The following RBM20 variants were observed in gnomAD, a reference collection of about 807,000 sequenced individuals.
RBM20 encodes the protein RNA-binding protein 20.
A neutral mutation model predicts 110.1 loss-of-function variants in RBM20; 51 were observed. The ratio of observed to expected loss-of-function variants is 0.46; its 90% CI spans 0.37 to 0.59. The LOEUF (loss-of-function observed/expected upper bound fraction) is 0.59. RBM20 is among the 20% of genes least tolerant of loss of function. The pLI is 0.00. For synonymous variants in RBM20, 589 were observed against 618.2 expected, an observed-to-expected ratio of 0.95 and a Z score of 0.70; for missense variants, 1,512 against 1,574.9, an observed-to-expected ratio of 0.96 and a Z score of 0.68.
At chr10:110,773,751 C>T (rs933511917) in intron 1 of RBM20, among the ~76,000 whole-genome samples, 3 of 152,118 alleles carry the variant, frequency 2.0e-5, no homozygotes, top group Non-Finnish European at 2.9e-5. Context: ...AGGTTTTGAG[C>T]CGTTCTAATA....
At chr10:110,777,822 C>A (rs1287332491) in intron 1 of RBM20, among the ~76,000 whole-genome samples, 1 of 152,194 alleles carries the variant, frequency 6.6e-6, no homozygotes, top group African/African-American at 2.4e-5. Context: ...ACAAAACCAA[C>A]CTTGTCTTAC....
chr10:110,681,617 G>A (rs4918556), intron 1 of RBM20, among the ~76,000 whole-genome samples: 26,129 of 152,142 alleles, frequency 0.17, 2,515 homozygotes, highest in East Asian at 0.31. Flanking sequence ...GCCTGAGGTC[G>A]GGTGAGGAGT....
intron 1 of RBM20, among the ~76,000 whole-genome samples, chr10:110,691,112 C>T (rs1325530277): frequency 6.6e-6 from 1 of 152,202 alleles, no homozygotes; most frequent in Non-Finnish European, 1.5e-5. Flanking sequence ...AGAGCTTGCT[C>T]TTGCTCTTGC....
chr10:110,679,398 T>C (rs531829314), intron 1 of RBM20, among the ~76,000 whole-genome samples: 4 of 152,126 alleles, frequency 2.6e-5, no homozygotes, highest in South Asian at 4.2e-4. Flanking sequence ...TAATTTTTAT[T>C]TTTTGTAGAG....
chr10:110,700,197 C>G (rs1862737412), intron 1 of RBM20, among the ~76,000 whole-genome samples: 1 of 152,170 alleles, frequency 6.6e-6, no homozygotes, highest in Non-Finnish European at 1.5e-5. Context: ...CCATGCCTCC[C>G]CCTAGTCCCT....
intron 1 of RBM20, among the ~76,000 whole-genome samples, chr10:110,728,358 T>A (rs1378482919): frequency 6.6e-6 from 1 of 152,142 alleles, no homozygotes; most frequent in East Asian, 1.9e-4. Flanking sequence ...GTCCCCACTC[T>A]TCTCAGGCAG....
At chr10:110,710,645 C>A (rs940639602) in intron 1 of RBM20, among the ~76,000 whole-genome samples, 3 of 152,368 alleles carry the variant, frequency 2.0e-5, no homozygotes, top group East Asian at 3.9e-4. Flanking sequence ...CTTCCCTCCC[C>A]CTTCCCCTTT....
intron 1 of RBM20, among the ~76,000 whole-genome samples, chr10:110,710,598 G>A (rs1194357975): frequency 6.6e-6 from 1 of 152,262 alleles, no homozygotes; most frequent in Non-Finnish European, 1.5e-5. Context: ...GGAGCTCACA[G>A]TTTGGAGAAT....
intron 1 of RBM20, among the ~76,000 whole-genome samples, chr10:110,727,423 T>A (rs867477334): frequency 0.028 from 3,132 of 113,864 alleles, 99 homozygotes; most frequent in African/African-American, 0.093. Flanking sequence ...AAAAAAAAAA[T>A]AAATAAAAAG....
chr10:110,825,868 A>G (rs1197653660), intron 12 of RBM20, among the ~76,000 whole-genome samples: 2 of 152,216 alleles, frequency 1.3e-5, no homozygotes, highest in African/African-American at 4.8e-5. Flanking sequence ...TATTTAACAG[A>G]TAAAAAATCT....
intron 13 of RBM20, among the ~76,000 whole-genome samples, chr10:110,831,998 A>G (rs1471661428): frequency 1.3e-5 from 2 of 152,254 alleles, no homozygotes; most frequent in Admixed American, 1.3e-4. Flanking sequence ...AATGTTGCAA[A>G]TCAAGTGATG....
chr10:110,713,025 C>T (rs12259039), intron 1 of RBM20, among the ~76,000 whole-genome samples: 148 of 152,244 alleles, frequency 9.7e-4, no homozygotes, highest in African/African-American at 3.3e-3. Context: ...CTCAGTTTCC[C>T]CCAGAATACC....
chr10:110,835,799 G>A lies in RBM20; in HGVS notation c.3574-69G>A, dbSNP rs940173040. 81 of 1,456,770 alleles carry A rather than the reference G, an allele frequency of 5.6e-5. 1 individual carries two copies. In the Middle Eastern group the frequency reaches 8.6e-4, roughly 15 times the overall value. The allele number at this position is 1,456,770 out of a possible 1,614,324, so 90.2% of individuals were successfully genotyped here. A position where few individuals can be genotyped will look rare whatever the true frequency, so the allele number is the denominator to read the frequency against. On this transcript the variant is annotated intron_variant, in intron 13 of 13. Coordinates refer to ENST00000369519, the MANE Select transcript of RBM20 (RefSeq NM_001134363.3). ...GGAGAGGGATGATTGAGGCATGTCC[G>A]CTCCTCTCCTCTCCATCTAGGTCCC... is the stretch of plus-strand genomic sequence containing the variant.
intron 10 of RBM20, 121 bp from the exon 11 acceptor site, chr10:110,821,154 C>G (rs1236480337): frequency 1.3e-6 from 1 of 791,414 alleles, no homozygotes; most frequent in Non-Finnish European, 2.0e-6. Context: ...GTAATTGTAC[C>G]AGGTAGAGGT....
At chr10:110,797,167 C>T (rs1844560349) in intron 5 of RBM20, among the ~76,000 whole-genome samples, 1 of 152,088 alleles carries the variant, frequency 6.6e-6, no homozygotes, top group South Asian at 2.1e-4. Flanking sequence ...GTGGTGCATG[C>T]CTGTGGTCCC....
intron 7 of RBM20, among the ~76,000 whole-genome samples, chr10:110,802,940 A>G (rs1268578841): frequency 2.0e-5 from 3 of 152,368 alleles, no homozygotes; most frequent in African/African-American, 7.2e-5. Context: ...CTCAGTTTAC[A>G]GATCAGGAAA....
intron 1 of RBM20, among the ~76,000 whole-genome samples, chr10:110,704,191 G>A (rs1289309139): frequency 2.0e-5 from 3 of 152,204 alleles, no homozygotes; most frequent in Non-Finnish European, 2.9e-5. Context: ...TAATTTCCTG[G>A]AGATTTATCT....
chr10:110,838,558 A>G lies in RBM20; in HGVS notation c.*2580A>G, dbSNP rs933654260. 5 of 152,188 alleles carry G rather than the reference A, an allele frequency of 3.3e-5. No homozygotes were observed. The highest frequency in any genetic ancestry group is 6.5e-5 in the Admixed American group (1 of 15,276). 9.4% of individuals were successfully genotyped at this position (152,188 alleles called of 1,614,324 possible). A position where few individuals can be genotyped will look rare whatever the true frequency, so the allele number is the denominator to read the frequency against. ...CCCACAATTTTTATCAGAGGTTAGAACTGTACATTATCAGAGAGACTGGAC... is the reference window on the plus strand; with the variant it reads ...CCCACAATTTTTATCAGAGGTTAGAGCTGTACATTATCAGAGAGACTGGAC... On this transcript the variant is annotated 3_prime_UTR_variant, in exon 14 of 14. Transcript: ENST00000369519.
At chr10:110,752,777 A>G (rs1843869903) in intron 1 of RBM20, among the ~76,000 whole-genome samples, 1 of 151,916 alleles carries the variant, frequency 6.6e-6, no homozygotes, top group African/African-American at 2.4e-5. Flanking sequence ...AGGGTCCCTC[A>G]GCCATCCCAG....
Sources: gnomAD v4.1 joint callset for allele counts (sites outside exome capture counted in the v4.1 genomes callset) on GRCh38, gnomAD v4.1.1 for gene constraint, MANE v1.5 for transcripts, NCBI Gene and HGNC (gene_info 2026-07-23, HGNC 2026-07-21) for gene names.